Variants in ESYT2 observed in about 807,000 individuals in gnomAD.
The protein encoded by ESYT2 is extended synaptotagmin 2.
In ESYT2, 54 loss-of-function variants were observed where a neutral mutation model predicts 107.2. That is an observed-to-expected ratio of 0.50 (90% CI 0.40 to 0.63). The LOEUF is 0.63. Among genes scored for constraint, ESYT2 ranks in the 30% least tolerant of loss-of-function variants. The pLI is 0.00. For missense variants in ESYT2, 1,020 were observed against 1,094.5 expected (o/e 0.93, Z 0.96); for synonymous variants, 491 against 434.1 (o/e 1.13, Z -1.63).
At chr7:158,795,410 G>A (rs976835010) in intron 3 of ESYT2, among the ~76,000 whole-genome samples, 1 of 152,200 alleles carries the variant, frequency 6.6e-6, no homozygotes, top group African/African-American at 2.4e-5. Context: ...AATAAACCCA[G>A]CTGAGATGGA....
At position 158,743,517 on chromosome 7, in the gene ESYT2, A is replaced by G. The variant is rs746953940; in HGVS notation, c.1794+12T>C. On this transcript the variant is annotated intron_variant, in intron 17 of 22. Coordinates refer to ENST00000275418, the MANE Select transcript of ESYT2 (RefSeq NM_001367773.1). ...CATCCCCTATGGTGTTCACTGCAGG[A>G]CGACACGATACCCGCAGGGCAATCT... is the stretch of plus-strand genomic sequence containing the variant. 5 of 1,606,192 alleles carry G rather than the reference A, an allele frequency of 3.1e-6. No homozygotes were observed. Among genetic ancestry groups the G allele is most frequent in the Non-Finnish European group, 4.2e-6 (5 of 1,177,474 alleles).
In ESYT2 at chr7:158,731,232, G is replaced by T. The variant is rs1563608677; in HGVS notation, c.*2975C>A. The T allele has an allele frequency of 6.6e-6, 1 of 152,204 alleles. No individual in the cohort carries two copies. The highest frequency in any genetic ancestry group is 1.5e-5 in the Non-Finnish European group (1 of 68,042). 9.4% of individuals were successfully genotyped at this position (152,204 alleles called of 1,614,324 possible). ...AAAGAAGGGCCGACCTCTTGATAAAGAATGTCTGTAAAAGGAATTCTTACC... is the reference window on the plus strand; with the variant it reads ...AAAGAAGGGCCGACCTCTTGATAAATAATGTCTGTAAAAGGAATTCTTACC... On this transcript the variant is annotated 3_prime_UTR_variant, in exon 23 of 23. Coordinates refer to ENST00000275418, the MANE Select transcript of ESYT2 (RefSeq NM_001367773.1).
chr7:158,828,672 G>A (rs1045168338), intron 1 of ESYT2, among the ~76,000 whole-genome samples: 3 of 152,234 alleles, frequency 2.0e-5, no homozygotes, highest in African/African-American at 4.8e-5. Context: ...GGGAGGGCAC[G>A]GAGCACTCAG....
Position 158,798,638 on chromosome 7 carries a change from C to A in ESYT2, c.372+393G>T, listed in dbSNP as rs1331266406. ...TCCAGCCTGGGCAACAAGAGTGAAG[C>A]TCCGTCTCAAAAAAAAAAAAAAAAA... is the stretch of plus-strand genomic sequence containing the variant. On this transcript the variant is annotated intron_variant, in intron 2 of 22. Transcript: ENST00000275418. Among the ~76,000 whole-genome samples the A allele has an allele frequency of 6.6e-4, 60 of 90,492 alleles. 1 individual carries two copies. Among genetic ancestry groups the A allele is most frequent in the African/African-American group, 2.5e-3 (56 of 22,102 alleles). The allele number at this position is 90,492 out of a possible 152,430, so 59.4% of individuals were successfully genotyped here. A position where few individuals can be genotyped will look rare whatever the true frequency, so the allele number is the denominator to read the frequency against.
intron 3 of ESYT2, 105 bp downstream of exon 3, chr7:158,797,837 G>C: frequency 1.4e-6 from 2 of 1,444,434 alleles, no homozygotes; most frequent in Non-Finnish European, 1.9e-6. Context: ...CTGGGCAACA[G>C]AGCGAGACTC....
intron 1 of ESYT2, among the ~76,000 whole-genome samples, chr7:158,807,387 C>T (rs1839862235): frequency 6.6e-6 from 1 of 151,914 alleles, no homozygotes; most frequent in Non-Finnish European, 1.5e-5. Flanking sequence ...TTATGTATCT[C>T]CTAGGAGCTT....
chr7:158,824,946 G>A lies in ESYT2; in HGVS notation c.330+4143C>T, dbSNP rs572312453. On this transcript the variant is annotated intron_variant, in intron 1 of 22. Transcript: ENST00000275418. The stretch of plus-strand genomic sequence containing the variant: ...GTAGGTGGTTCGCTTGAGCCCAAGA[G>A]TTGAGCCCAAGAGTTCAAGCCTGGG... Among the ~76,000 whole-genome samples, 10 of 152,266 alleles carry A rather than the reference G, an allele frequency of 6.6e-5. No homozygotes were observed. In the East Asian group the frequency reaches 1.9e-3, roughly 29 times the overall value.
intron 3 of ESYT2, among the ~76,000 whole-genome samples, 196 bp downstream of exon 3, chr7:158,797,746 C>T (rs367701331): frequency 3.3e-5 from 5 of 150,116 alleles, no homozygotes; most frequent in East Asian, 2.0e-4. Context: ...CCCAGCTACT[C>T]GGGAGGCTGA....
At chr7:158,791,832 G>A (rs995826595) in intron 4 of ESYT2, among the ~76,000 whole-genome samples, 2 of 152,128 alleles carry the variant, frequency 1.3e-5, no homozygotes, top group Admixed American at 6.5e-5. Flanking sequence ...ACTGCTTATC[G>A]GATTCATGAT....
intron 4 of ESYT2, among the ~76,000 whole-genome samples, chr7:158,793,447 T>A (rs2602552): frequency 6.6e-6 from 1 of 152,160 alleles, no homozygotes; most frequent in Non-Finnish European, 1.5e-5. Context: ...TTATTTAACA[T>A]ATTTTATGAA....
Position 158,734,968 on chromosome 7 carries a change from A to C in ESYT2, c.2506-497T>G, listed in dbSNP as rs541778446. Among the ~76,000 whole-genome samples, 40 of 152,284 alleles carry C rather than the reference A, an allele frequency of 2.6e-4. No homozygotes were observed. In the East Asian group the frequency reaches 3.1e-3, roughly 12 times the overall value. ...ACCTGTAAGCTACATCGCTGAATAC[A>C]TCTAAGAAATCCTTCATGCAACCAG... On this transcript the variant is annotated intron_variant, in intron 21 of 22. Coordinates refer to ENST00000275418, the MANE Select transcript of ESYT2 (RefSeq NM_001367773.1).
intron 13 of ESYT2, 105 bp from the exon 14 acceptor site, chr7:158,752,948 A>C: frequency 1.4e-6 from 1 of 700,792 alleles, no homozygotes; most frequent in South Asian, 1.7e-5. Context: ...ACAAACAAAA[A>C]TCTTTAAACA....
At chr7:158,781,566 T>C (rs1584840019) in intron 6 of ESYT2, among the ~76,000 whole-genome samples, 1 of 144,932 alleles carries the variant, frequency 6.9e-6, no homozygotes, top group Admixed American at 6.9e-5. Flanking sequence ...TGAACGACTG[T>C]GAGAACAAAG....
At chr7:158,823,401 A>G (rs1190509914) in intron 1 of ESYT2, among the ~76,000 whole-genome samples, 1 of 136,002 alleles carries the variant, frequency 7.4e-6, no homozygotes, top group East Asian at 2.4e-4. Context: ...ATCTCGGCTC[A>G]CTGCAAGCTC....
At chr7:158,746,758 C>T (rs1837414193) in intron 16 of ESYT2, among the ~76,000 whole-genome samples, 1 of 152,146 alleles carries the variant, frequency 6.6e-6, no homozygotes, top group African/African-American at 2.4e-5. Context: ...AGAGGCTGGG[C>T]ACCGTGGCTC....
At chr7:158,760,037 G>C in intron 12 of ESYT2, 21 bp downstream of exon 12, 2 of 1,612,766 alleles carry the variant, frequency 1.2e-6, no homozygotes, top group Non-Finnish European at 1.7e-6. Context: ...TAGTTTTCAA[G>C]AGCACATGCT....
At chr7:158,791,197 G>C (rs1193818238) in intron 4 of ESYT2, among the ~76,000 whole-genome samples, 1 of 152,152 alleles carries the variant, frequency 6.6e-6, no homozygotes, top group African/African-American at 2.4e-5. Context: ...CAATTATGCA[G>C]ACGCTGTCCC....
chr7:158,813,699 G>C (rs1840049936), intron 1 of ESYT2, among the ~76,000 whole-genome samples: 2 of 152,242 alleles, frequency 1.3e-5, no homozygotes, highest in South Asian at 4.1e-4. Flanking sequence ...CGTGTTAACA[G>C]TAAGAAGGAA....
chr7:158,788,295 A>G, intron 5 of ESYT2, 50 bp downstream of exon 5: 3 of 1,521,524 alleles, frequency 2.0e-6, no homozygotes, highest in South Asian at 1.2e-5. Context: ...AATACAGCTT[A>G]GAGAACTTTA....
Sources: allele counts gnomAD v4.1 joint callset (sites outside exome capture counted in the v4.1 genomes callset), GRCh38; gene constraint gnomAD v4.1.1; transcripts MANE v1.5; gene names NCBI Gene and HGNC (gene_info 2026-07-23, HGNC 2026-07-21).